RNF213: variants seen among roughly 807,000 people sequenced by gnomAD.
The protein encoded by RNF213 is E3 ubiquitin-protein ligase RNF213.
A neutral mutation model predicts 514.4 loss-of-function variants in RNF213; 341 were observed. The ratio of observed to expected loss-of-function variants is 0.66; its 90% CI spans 0.61 to 0.73. RNF213 has a LOEUF of 0.73. Among genes scored for constraint, RNF213 ranks in the 30% least tolerant of loss-of-function variants. The pLI is 0.00. For missense variants in RNF213, 5,767 were observed against 6,615.6 expected (o/e 0.87, Z 4.45); for synonymous variants, 2,655 against 2,658.2 (o/e 1.00, Z 0.04).
intron 55 of RNF213, 27 bp from the exon 56 acceptor site, chr17:80,380,798 AGCCTCT>A: frequency 6.2e-7 from 1 of 1,613,966 alleles, no homozygotes; most frequent in Non-Finnish European, 8.5e-7. Flanking sequence ...GGCCAGCCTC[AGCCTCT>A]GTCTTGTGTT....
chr17:80,340,625 T>TTTG, intron 26 of RNF213: 1 of 417,728 alleles, frequency 2.4e-6, no homozygotes, highest in Non-Finnish European at 4.2e-6. Context: ...TTTTTTTTTT[T>TTTG]TTTTTTTTTT....
rs763986913 is a variant in RNF213, at chr17:80,355,302, C to T, written c.10862+726C>T. 107 of 404,818 alleles carry T rather than the reference C, an allele frequency of 2.6e-4. 1 individual carries two copies. The highest frequency in any genetic ancestry group is 7.9e-5 in the Non-Finnish European group (16 of 203,392). The allele number at this position is 404,818 out of a possible 1,614,324, so 25.1% of individuals were successfully genotyped here. A position where few individuals can be genotyped will look rare whatever the true frequency, so the allele number is the denominator to read the frequency against. On this transcript the variant is annotated intron_variant, in intron 36 of 67. Coordinates refer to ENST00000582970, the MANE Select transcript of RNF213 (RefSeq NM_001256071.3). ...GCCAGGTGTGATCTGCAGGAGGGAA[C>T]GTGAGGAAGAAGCGGGGTGAACGGT...
At chr17:80,289,999 G>A (rs371775471) in intron 6 of RNF213, among the ~76,000 whole-genome samples, 162 bp downstream of exon 6, 8 of 152,292 alleles carry the variant, frequency 5.3e-5, no homozygotes, top group African/African-American at 1.9e-4. Context: ...GGTGGAGGGG[G>A]GTGGGCACCT....
At chr17:80,312,900 C>T in intron 14 of RNF213, 112 bp from the exon 15 acceptor site, 1 of 1,222,752 alleles carries the variant, frequency 8.2e-7, no homozygotes, top group Non-Finnish European at 1.2e-6. Flanking sequence ...CCATCGTAGC[C>T]ACTCCTTGAG....
At chr17:80,265,961 G>A (rs1194606742) in intron 2 of RNF213, among the ~76,000 whole-genome samples, 1 of 152,154 alleles carries the variant, frequency 6.6e-6, no homozygotes, top group Non-Finnish European at 1.5e-5. Flanking sequence ...GATCCTTCAA[G>A]TTGGGATGGG....
At chr17:80,272,902 G>C (rs775818521) in intron 2 of RNF213, among the ~76,000 whole-genome samples, 2 of 152,170 alleles carry the variant, frequency 1.3e-5, no homozygotes, top group East Asian at 1.9e-4. Flanking sequence ...GGAGGAAAGC[G>C]TAACAGGCTC....
chr17:80,280,965 C>T (rs959502458), intron 3 of RNF213, among the ~76,000 whole-genome samples: 2 of 151,838 alleles, frequency 1.3e-5, no homozygotes, highest in Non-Finnish European at 2.9e-5. Context: ...ATATGCGGAC[C>T]GGAGCGTGTT....
Position 80,376,976 on chromosome 17 carries a change from G to T in RNF213, c.13510+13G>T, listed in dbSNP as rs144121700. The T allele has an allele frequency of 4.9e-4, 790 of 1,601,750 alleles. 2 individuals carry two copies. Among genetic ancestry groups the T allele is most frequent in the Middle Eastern group, 1.7e-3 (10 of 5,826 alleles). ...GTCCACTGGTACAGTAAGTGTTGGG[G>T]TCTAGATGACCCCACACTCCTTTGA... On this transcript the variant is annotated intron_variant, in intron 53 of 67. Transcript: ENST00000582970.
At chr17:80,327,779 G>A (rs2046317514) in intron 18 of RNF213, 37 bp from the exon 19 acceptor site, 2 of 1,493,958 alleles carry the variant, frequency 1.3e-6, no homozygotes, top group South Asian at 1.2e-5. Context: ...AGGAGGTGGG[G>A]AGCCCACTGT....
At chr17:80,297,173 C>T (rs558698459) in intron 10 of RNF213, among the ~76,000 whole-genome samples, 59 of 151,184 alleles carry the variant, frequency 3.9e-4, no homozygotes, top group East Asian at 1.4e-3. Context: ...GTTTTGGGGC[C>T]GGGCACGGTG....
At chr17:80,358,572 C>A in intron 37 of RNF213, 93 bp downstream of exon 37, 2 of 1,199,194 alleles carry the variant, frequency 1.7e-6, no homozygotes, top group South Asian at 1.3e-5. Context: ...GAAACGCAGC[C>A]CTCAACTTCA....
intron 63 of RNF213, among the ~76,000 whole-genome samples, chr17:80,387,953 AT>A (rs35624579): frequency 0.67 from 74,673 of 111,520 alleles, 23,826 homozygotes; most frequent in Middle Eastern, 0.73. Context: ...GAGCCCATGG[AT>A]TTTTTTTTTT....
chr17:80,353,037 C>T lies in RNF213; in HGVS notation c.10401C>T (p.Phe3467=), dbSNP rs372098453. ...RLQHVTISQL[F]APGDLPELGL... is the part of the protein sequence containing the mutation. ...AGCATGTCACCATCAGCCAGCTGTT[C>T]GCGCCCGGAGACTTGCCTGAGCGTG... Residue 3467 remains phenylalanine (F), a synonymous_variant, in exon 33 of 68, where the codon TTC becomes TTT. Transcript: ENST00000582970. The surrounding 1 kb of genome is among the most constrained non-coding windows in gnomAD (Gnocchi z 5.0). The T allele has an allele frequency of 3.1e-5, 50 of 1,613,196 alleles. No homozygotes were observed. In the East Asian group the frequency reaches 6.0e-4, roughly 19 times the overall value.
In RNF213 at chr17:80,346,457, G is replaced by T; in HGVS notation, c.8122G>T (p.Ala2708Ser). Reference sequence around the variant, plus strand: ...GAAAGACTCATATCGGAAAGCCATCGCCAGGTTCTTTCCGAAACCGTATGA... The same window carrying T: ...GAAAGACTCATATCGGAAAGCCATCTCCAGGTTCTTTCCGAAACCGTATGA... The part of the protein sequence containing the change: ...EKKDSYRKAI[A>S]RFFPKPYDDS... Residue 2708 changes from alanine (A) to serine (S), a missense_variant, in exon 29 of 68, where the codon GCC becomes TCC. Ala to Ser is a moderately conservative substitution (Grantham distance 99). Around this residue, in one of 13 missense-constraint regions of RNF213, gnomAD observed 1,377 missense variants for 1,635.2 expected, o/e 0.84. Transcript: ENST00000582970. The surrounding 1 kb of genome is among the most constrained non-coding windows in gnomAD (Gnocchi z 8.1). The T allele has an allele frequency of 1.9e-6, 3 of 1,613,772 alleles. No homozygotes were observed. Among genetic ancestry groups the T allele is most frequent in the Non-Finnish European group, 2.5e-6 (3 of 1,180,034 alleles).
At chr17:80,385,305 C>G in intron 60 of RNF213, 134 bp downstream of exon 60, 1 of 1,157,576 alleles carries the variant, frequency 8.6e-7, no homozygotes, top group Non-Finnish European at 1.3e-6. Context: ...CCTTACCATG[C>G]GGTGAAGGGT....
At chr17:80,333,432 G>A (rs1011517849) in intron 21 of RNF213, among the ~76,000 whole-genome samples, 1 of 150,870 alleles carries the variant, frequency 6.6e-6, no homozygotes, top group African/African-American at 2.4e-5. Flanking sequence ...AGTGGCTCAT[G>A]CCTGTAATCC....
In RNF213 at chr17:80,337,639, G is replaced by C; in HGVS notation, c.4581G>C (p.Gly1527=). ...EWLKTVNESH[G]SVERSSLTLA... is the part of the protein sequence containing the mutation. ...TGAAGACTGTGAATGAGAGTCATGG[G>C]TCTGTGGAACGCTCATCCCTGACCC... The change falls in exon 24 of 68, where the codon GGG becomes GGC. Residue 1527 remains glycine, a synonymous_variant. Transcript: ENST00000582970. 6.5e-7 allele frequency: 1 copy of C among 1,537,278 alleles called. No individual in the cohort carries two copies. The highest frequency in any genetic ancestry group is 8.7e-7 in the Non-Finnish European group (1 of 1,146,928).
At position 80,273,265 on chromosome 17, in the gene RNF213, T is replaced by C. The variant is rs2043889840; in HGVS notation, c.122T>C (p.Met41Thr). ...GATTCTGAGAACAATAACTCCACAATGGCGTCGGCCTCGGAGGGTGAAATG... is the reference window on the plus strand; with the variant it reads ...GATTCTGAGAACAATAACTCCACAACGGCGTCGGCCTCGGAGGGTGAAATG... ...IADSENNNST[M>T]ASASEGEMEC... The change falls in exon 3 of 68, where the codon ATG becomes ACG. Residue 41 changes from methionine to threonine, a missense_variant. Around this residue, in one of 13 missense-constraint regions of RNF213, gnomAD observed 509 missense variants for 496.7 expected, o/e 1.02. Transcript: ENST00000582970. 1.9e-6 allele frequency: 3 copies of C among 1,613,542 alleles called. No homozygotes were observed. The highest frequency in any genetic ancestry group is 2.5e-6 in the Non-Finnish European group (3 of 1,179,940).
At chr17:80,355,377 CAGG>C (rs1568121921) in intron 36 of RNF213, 57 of 321,756 alleles carry the variant, frequency 1.8e-4, no homozygotes, top group Non-Finnish European at 2.1e-4. Flanking sequence ...TGGGAGCTTA[CAGG>C]GGAAGAAGCG....
Sources: allele counts gnomAD v4.1 joint callset (sites outside exome capture counted in the v4.1 genomes callset), GRCh38; gene constraint gnomAD v4.1.1; regional missense constraint gnomAD v4.1.1; non-coding constraint Gnocchi (gnomAD v3.1); transcripts MANE v1.5; gene names NCBI Gene and HGNC (gene_info 2026-07-23, HGNC 2026-07-21).